FAM171A1: variants seen among roughly 807,000 people sequenced by gnomAD.
FAM171A1 encodes the protein family with sequence similarity 171 member A1.
In FAM171A1, 23 loss-of-function variants were observed where a neutral mutation model predicts 74.9. The observed-to-expected ratio is 0.31, with a 90% CI of 0.22 to 0.44. The LOEUF (loss-of-function observed/expected upper bound fraction) is 0.44. FAM171A1 is among the 20% of genes least tolerant of loss of function. The pLI is 1.00. For synonymous variants in FAM171A1, 527 were observed against 505.7 expected (o/e 1.04, Z -0.57); for missense variants, 1,162 against 1,159.2 (o/e 1.00, Z -0.03).
At chr10:15,252,338 CT>C (rs1464186971) in intron 4 of FAM171A1, among the ~76,000 whole-genome samples, 3 of 152,214 alleles carry the variant, frequency 2.0e-5, no homozygotes, top group Non-Finnish European at 4.4e-5. Flanking sequence ...CCTTTCCAGT[CT>C]CTTCCGCAGC....
At chr10:15,326,272 C>T (rs981932282) in intron 1 of FAM171A1, among the ~76,000 whole-genome samples, 10 of 152,032 alleles carry the variant, frequency 6.6e-5, no homozygotes, top group East Asian at 1.9e-4. Context: ...TAGTCTCAAA[C>T]GGCTGCCTTT....
chr10:15,334,281 G>A (rs766062414), intron 1 of FAM171A1, among the ~76,000 whole-genome samples: 1 of 152,116 alleles, frequency 6.6e-6, no homozygotes, highest in Non-Finnish European at 1.5e-5. Context: ...CTTGGCTCTG[G>A]GATGAAAGAG....
chr10:15,228,252 G>A (rs138360031), intron 5 of FAM171A1, among the ~76,000 whole-genome samples: 15 of 151,906 alleles, frequency 9.9e-5, no homozygotes, highest in African/African-American at 3.4e-4. Flanking sequence ...TGAAAAGATC[G>A]GACCTGAATC....
In FAM171A1 at chr10:15,214,548, C is replaced by A. The variant is rs747160050; in HGVS notation, c.1040G>T (p.Gly347Val). ...QHHRKLQLPA[G>V]LESSKRDQST... ...CTGGTCTCTTTTGGAACTCTCCAGTCCTGCAGGGAGCTGCAGTTTTCTGTG... is the reference window on the plus strand; with the variant it reads ...CTGGTCTCTTTTGGAACTCTCCAGTACTGCAGGGAGCTGCAGTTTTCTGTG... The change falls in exon 8 of 8, where the codon GGA becomes GTA. Residue 347 changes from glycine (G) to valine (V), a missense_variant. By Grantham distance (109) the Gly-to-Val change is moderately radical (BLOSUM62 -3). Coordinates refer to ENST00000378116, the MANE Select transcript of FAM171A1 (RefSeq NM_001010924.2). 6.2e-7 allele frequency: 1 copy of A among 1,613,708 alleles called. No individual in the cohort carries two copies. The highest frequency in any genetic ancestry group is 1.1e-5 in the South Asian group (1 of 90,988).
chr10:15,303,120 C>T (rs888049785), intron 1 of FAM171A1, among the ~76,000 whole-genome samples: 2 of 151,976 alleles, frequency 1.3e-5, no homozygotes, highest in South Asian at 2.1e-4. Flanking sequence ...ATCCAGGAGG[C>T]GGAGGTTGCA....
At chr10:15,352,106 G>A (rs142971230) in intron 1 of FAM171A1, among the ~76,000 whole-genome samples, 1 of 150,980 alleles carries the variant, frequency 6.6e-6, no homozygotes, top group South Asian at 2.1e-4. Context: ...TGGGTGTGGT[G>A]TGCACACCTG....
At chr10:15,373,569 C>T (rs986974600), upstream of FAM171A1, among the ~76,000 whole-genome samples, 1 of 152,182 alleles carries the variant, frequency 6.6e-6, no homozygotes, top group Non-Finnish European at 1.5e-5. Flanking sequence ...AAGTGCAAAT[C>T]TAGTGAATAC....
At chr10:15,373,318 A>G (rs1170484760), upstream of FAM171A1, among the ~76,000 whole-genome samples, 2 of 152,240 alleles carry the variant, frequency 1.3e-5, no homozygotes, top group African/African-American at 4.8e-5. Flanking sequence ...AGTTCCTAAT[A>G]TATGGCACTC....
Position 15,212,658 on chromosome 10 carries a change from G to A in FAM171A1, c.*257C>T, listed in dbSNP as rs184282417. 55 of 527,426 alleles carry A rather than the reference G, an allele frequency of 1.0e-4. No homozygotes were observed. The East Asian group carries it at 1.8e-3, about 17-fold the overall frequency. The allele number at this position is 527,426 out of a possible 1,614,324, so 32.7% of individuals were successfully genotyped here. A position where few individuals can be genotyped will look rare whatever the true frequency, so the allele number is the denominator to read the frequency against. ...TAATGTCCCTGGTGGCGGATACGCC[G>A]AGTCCTCGGAAGGACATCTGGACAC... On this transcript the variant is annotated 3_prime_UTR_variant, in exon 8 of 8. Coordinates refer to ENST00000378116, the MANE Select transcript of FAM171A1 (RefSeq NM_001010924.2).
chr10:15,271,913 A>G (rs1588525363), intron 3 of FAM171A1, among the ~76,000 whole-genome samples: 1 of 152,196 alleles, frequency 6.6e-6, no homozygotes, highest in South Asian at 2.1e-4. Flanking sequence ...ACAACCAGTA[A>G]CCAGCCACTG....
chr10:15,346,226 G>A (rs942266084), intron 1 of FAM171A1, among the ~76,000 whole-genome samples: 4 of 152,162 alleles, frequency 2.6e-5, no homozygotes, highest in African/African-American at 7.2e-5. Flanking sequence ...TTCCCAAGGA[G>A]TTGGGACTAC....
At chr10:15,371,978 G>C (rs982623501), upstream of FAM171A1, among the ~76,000 whole-genome samples, 11 of 152,120 alleles carry the variant, frequency 7.2e-5, no homozygotes, top group African/African-American at 2.7e-4. Context: ...TGGGATGCAG[G>C]GAATGAAAAA....
intron 1 of FAM171A1, among the ~76,000 whole-genome samples, chr10:15,340,700 A>G (rs886418223): frequency 6.6e-6 from 1 of 152,194 alleles, no homozygotes; most frequent in South Asian, 2.1e-4. Context: ...ATGGGTTTTC[A>G]GTCTGAGGAG....
chr10:15,309,237 C>CT (rs1564272940), intron 1 of FAM171A1, among the ~76,000 whole-genome samples: 1 of 152,220 alleles, frequency 6.6e-6, no homozygotes, highest in East Asian at 1.9e-4. Flanking sequence ...GAGACAGGGC[C>CT]TTGTTCTGTT....
At chr10:15,346,174 C>T (rs1003379789) in intron 1 of FAM171A1, among the ~76,000 whole-genome samples, 14 of 152,194 alleles carry the variant, frequency 9.2e-5, no homozygotes, top group Non-Finnish European at 2.1e-4. Flanking sequence ...CAGCTCACTG[C>T]AGCCTCCAAC....
At position 15,370,996 on chromosome 10, in the gene FAM171A1, C is replaced by T; in HGVS notation, c.57G>A (p.Ala19=). The change falls in exon 1 of 8, where the codon GCG becomes GCA. Residue 19 remains alanine, a synonymous_variant. Coordinates refer to ENST00000378116, the MANE Select transcript of FAM171A1 (RefSeq NM_001010924.2). ...CGGGCTCCCGCAGCGTCTTGGTCAC[C>T]GCCTTCCAGACGTGGCAGCCCAGCA... ...LCLLGCHVWK[A]VTKTLREPGA... 1 of 1,193,992 alleles carries T rather than the reference C, an allele frequency of 8.4e-7. No individual in the cohort carries two copies. Among genetic ancestry groups the T allele is most frequent in the Non-Finnish European group, 1.1e-6 (1 of 939,868 alleles). 74.0% of individuals were successfully genotyped at this position (1,193,992 alleles called of 1,614,324 possible).
At chr10:15,346,776 G>C (rs1835821015) in intron 1 of FAM171A1, among the ~76,000 whole-genome samples, 1 of 152,214 alleles carries the variant, frequency 6.6e-6, no homozygotes, top group African/African-American at 2.4e-5. Context: ...AACTAGGAAG[G>C]CAAGTGCTCA....
intron 1 of FAM171A1, among the ~76,000 whole-genome samples, chr10:15,323,411 C>T (rs1835510953): frequency 6.6e-6 from 1 of 152,122 alleles, no homozygotes; most frequent in South Asian, 2.1e-4. Flanking sequence ...AGAGATCACG[C>T]CATTGCACTC....
chr10:15,340,232 T>C (rs1835750057), intron 1 of FAM171A1, among the ~76,000 whole-genome samples: 1 of 152,202 alleles, frequency 6.6e-6, no homozygotes. Flanking sequence ...GTGTATGGAC[T>C]CATGGCTATC....
Sources: allele counts gnomAD v4.1 joint callset (sites outside exome capture counted in the v4.1 genomes callset), GRCh38; gene constraint gnomAD v4.1.1; transcripts MANE v1.5; gene names NCBI Gene and HGNC (gene_info 2026-07-23, HGNC 2026-07-21).